The following PCDH19 variants were observed in gnomAD, a reference collection of about 807,000 sequenced individuals.
PCDH19 encodes the protein protocadherin 19.
In PCDH19, 6 loss-of-function variants were observed where a neutral mutation model predicts 46.2. That is an observed-to-expected ratio of 0.13 (90% CI 0.07 to 0.26). The LOEUF is 0.26. Ranked by LOEUF, PCDH19 falls within the 10% of genes least tolerant of loss-of-function variation. The probability of loss-of-function intolerance (pLI) is 1.00; values close to 1 mark genes in which losing one functional copy is unlikely to be tolerated. For missense variants in PCDH19, 740 were observed against 972.3 expected (o/e 0.76, Z 3.18); for synonymous variants, 481 against 415.7 (o/e 1.16, Z -1.91).
Position 100,296,869 on chromosome X carries a change from T to C in PCDH19, c.2855A>G (p.Asn952Ser), listed in dbSNP as rs983140182. 1 of 1,195,740 alleles carries C rather than the reference T, an allele frequency of 8.4e-7. No individual in the cohort carries two copies. Among genetic ancestry groups the C allele is most frequent in the Admixed American group, 2.2e-5 (1 of 45,737 alleles). Residue 952 changes from asparagine to serine, a missense_variant, in exon 6 of 6, where the codon AAT (asparagine) becomes AGT (serine). Transcript: ENST00000373034. ...TTCTTCCCGGCAATGAAATCCTTCA[T>C]TCTGATCTGTTTGGAAAAAAGAAAA... Reference protein sequence around the residue: ...MGSQMPDHDQNEGFHCREECR... With the variant: ...MGSQMPDHDQSEGFHCREECR...
chrX:100,322,853 A>ATT (rs1925543460), intron 5 of PCDH19, among the ~76,000 whole-genome samples: 1 of 55,660 alleles, frequency 1.8e-5, no homozygotes, highest in African/African-American at 9.3e-5. Flanking sequence ...ATATATATAT[A>ATT]TATATATATA....
intron 5 of PCDH19, among the ~76,000 whole-genome samples, chrX:100,309,154 G>GTGCACACA (rs557055247): frequency 5.9e-4 from 48 of 81,760 alleles, no homozygotes; most frequent in Non-Finnish European, 1.0e-3. Context: ...TGTGATGCAT[G>GTGCACACA]CACACACACA....
intron 3 of PCDH19, among the ~76,000 whole-genome samples, chrX:100,352,828 C>T (rs1003214963): frequency 8.9e-6 from 1 of 111,768 alleles, no homozygotes; most frequent in Non-Finnish European, 1.9e-5. Flanking sequence ...TGCAGGACCA[C>T]GGGCCAATTA....
chrX:100,372,644 A>T (rs1349586341), intron 3 of PCDH19, among the ~76,000 whole-genome samples: 1 of 112,561 alleles, frequency 8.9e-6, no homozygotes, highest in East Asian at 2.8e-4. Context: ...GCATTGAAAC[A>T]AACAAAATAA....
At chrX:100,335,649 C>T (rs1926063030) in intron 5 of PCDH19, among the ~76,000 whole-genome samples, 1 of 111,861 alleles carries the variant, frequency 8.9e-6, no homozygotes, top group Non-Finnish European at 1.9e-5. Flanking sequence ...CATCATTGAG[C>T]TGGCCTTGGT....
At chrX:100,341,691 A>C (rs971831584) in intron 5 of PCDH19, among the ~76,000 whole-genome samples, 1 of 112,037 alleles carries the variant, frequency 8.9e-6, no homozygotes, top group Non-Finnish European at 1.9e-5. Flanking sequence ...AAGTGCCTGA[A>C]CTTTATACAG....
chrX:100,292,704 T>C lies in PCDH19; in HGVS notation c.*3573A>G, dbSNP rs928589817. ...ACACTTCAGTGTCAGCAGATACAAT[T>C]TGACTCATGAAATGACATCCTTAAA... On this transcript the variant is annotated 3_prime_UTR_variant, in exon 6 of 6. Transcript: ENST00000373034. The C allele has an allele frequency of 9.8e-5, 11 of 112,053 alleles. No individual in the cohort carries two copies. The highest frequency in any genetic ancestry group is 3.6e-4 in the African/African-American group (11 of 30,757). The allele number at this position is 112,053 out of a possible 1,213,427, so 9.2% of individuals were successfully genotyped here.
intron 5 of PCDH19, among the ~76,000 whole-genome samples, chrX:100,310,270 T>A (rs1049386340): frequency 3.6e-5 from 4 of 111,342 alleles, no homozygotes; most frequent in African/African-American, 1.3e-4. Flanking sequence ...AGTTTTCATT[T>A]TTGTACTGGG....
chrX:100,393,087 A>G (rs959107987), intron 3 of PCDH19, among the ~76,000 whole-genome samples: 1 of 111,708 alleles, frequency 9.0e-6, no homozygotes, highest in Admixed American at 9.5e-5. Flanking sequence ...TAAATTGAAA[A>G]TATGCACTAT....
intron 3 of PCDH19, among the ~76,000 whole-genome samples, chrX:100,382,208 C>G (rs763491298): frequency 6.3e-5 from 7 of 111,138 alleles, no homozygotes; most frequent in Admixed American, 2.9e-4. Context: ...TAACAGATAA[C>G]CAAGCTTTTG....
rs2147445512 is a variant in PCDH19 at position 100,296,349 on chromosome X, G to A, written c.3375C>T (p.Val1125=). 1 of 1,211,687 alleles carries A rather than the reference G, an allele frequency of 8.3e-7. No individual in the cohort carries two copies. Among genetic ancestry groups the A allele is most frequent in the South Asian group, 1.8e-5 (1 of 56,975 alleles). Residue 1125 remains valine (V), a synonymous_variant, in exon 6 of 6, where the codon GTC becomes GTT. Transcript: ENST00000373034. ...TGCGACCTTCCTTCAGAATGGGGCT[G>A]ACCTCATGCATGACTTTCTCGCTAT... is the stretch of plus-strand genomic sequence containing the variant. The part of the protein sequence containing the change: ...GADSEKVMHE[V]SPILKEGRNK...
intron 3 of PCDH19, among the ~76,000 whole-genome samples, chrX:100,378,640 A>G (rs1290069294): frequency 8.9e-6 from 1 of 112,584 alleles, no homozygotes; most frequent in Non-Finnish European, 1.9e-5. Context: ...AACCACCACA[A>G]GCCAAGCAAT....
At chrX:100,334,945 A>C (rs1240024543) in intron 5 of PCDH19, among the ~76,000 whole-genome samples, 2 of 110,843 alleles carry the variant, frequency 1.8e-5, no homozygotes, top group East Asian at 5.6e-4. Context: ...TAGCGTATCT[A>C]TTTAAAATTA....
intron 4 of PCDH19, among the ~76,000 whole-genome samples, chrX:100,349,907 A>G (rs769369075): frequency 2.4e-4 from 27 of 112,350 alleles, no homozygotes; most frequent in Non-Finnish European, 4.7e-4. Flanking sequence ...ACCAGATGGG[A>G]TCTTTCTTGG....
intron 3 of PCDH19, among the ~76,000 whole-genome samples, chrX:100,364,252 C>A (rs746200146): frequency 1.8e-5 from 2 of 111,695 alleles, no homozygotes; most frequent in Admixed American, 9.5e-5. Context: ...TTTCTATGAT[C>A]CAACTCAGGA....
At chrX:100,369,121 G>GA (rs1449874780) in intron 3 of PCDH19, among the ~76,000 whole-genome samples, 1 of 110,765 alleles carries the variant, frequency 9.0e-6, no homozygotes, top group African/African-American at 3.3e-5. Context: ...ATGCCTTTTG[G>GA]AAAAAAGCCT....
intron 5 of PCDH19, among the ~76,000 whole-genome samples, chrX:100,319,103 G>A (rs545180596): frequency 4.5e-5 from 5 of 111,714 alleles, no homozygotes; most frequent in South Asian, 3.7e-4. Context: ...TGAATGAGGC[G>A]TTTGGGGTGG....
chrX:100,400,483 G>T (rs1928146080), intron 3 of PCDH19, among the ~76,000 whole-genome samples: 1 of 112,186 alleles, frequency 8.9e-6, no homozygotes, highest in Admixed American at 9.4e-5. Flanking sequence ...TCAAAATCAT[G>T]ATCAATCTGA....
Position 100,346,583 on chromosome X carries a change from GAAAA to G in PCDH19, c.2675+4059_2675+4062del, listed in dbSNP as rs1266229140. On this transcript the variant is annotated intron_variant, in intron 4 of 5. Transcript: ENST00000373034. ...AGAAATCTAGTGCTAGTCTTTAATA[GAAAA>G]ATGCTAAGATTTTCTTCCATTTCTC... 5.4e-5 allele frequency among the ~76,000 whole-genome samples: 6 copies of G among 111,722 alleles called. No individual in the cohort carries two copies. In the East Asian group the frequency reaches 1.7e-3, roughly 32 times the overall value.
Sources: allele counts gnomAD v4.1 joint callset (sites outside exome capture counted in the v4.1 genomes callset), GRCh38; gene constraint gnomAD v4.1.1; transcripts MANE v1.5; gene names NCBI Gene and HGNC (gene_info 2026-07-23, HGNC 2026-07-21).